The following DSCAML1 variants were observed in gnomAD, a reference collection of about 807,000 sequenced individuals.
The protein encoded by DSCAML1 is cell adhesion molecule DSCAML1.
In DSCAML1, 38 loss-of-function variants were observed where a neutral mutation model predicts 200.5. The ratio of observed to expected loss-of-function variants is 0.19; its 90% CI spans 0.15 to 0.25. The LOEUF (loss-of-function observed/expected upper bound fraction) is 0.25, where lower values mean the gene tolerates loss of function less well. Among genes scored for constraint, DSCAML1 ranks in the 10% least tolerant of loss-of-function variants. DSCAML1 has a pLI of 1.00. For missense variants in DSCAML1, 2,223 were observed against 2,858.8 expected (o/e 0.78, Z 5.07); for synonymous variants, 1,215 against 1,165.0 (o/e 1.04, Z -0.87).
At chr11:117,643,770 C>T (rs769221471) in intron 3 of DSCAML1, among the ~76,000 whole-genome samples, 12 of 152,254 alleles carry the variant, frequency 7.9e-5, no homozygotes, top group East Asian at 5.8e-4. Context: ...GCACTTATAC[C>T]GCCGTCATCA....
At chr11:117,464,139 G>T (rs1252278529) in intron 17 of DSCAML1, among the ~76,000 whole-genome samples, 2 of 152,256 alleles carry the variant, frequency 1.3e-5, no homozygotes, top group South Asian at 2.1e-4. Flanking sequence ...TTGGGGCGGG[G>T]TGGGTAGGCT....
chr11:117,726,045 C>G (rs945101839), intron 3 of DSCAML1, among the ~76,000 whole-genome samples: 1 of 152,152 alleles, frequency 6.6e-6, no homozygotes, highest in African/African-American at 2.4e-5. Flanking sequence ...GGCTGGCCAT[C>G]CTCCCTGATG....
chr11:117,496,813 C>T (rs1404463228), intron 11 of DSCAML1, among the ~76,000 whole-genome samples: 1 of 152,168 alleles, frequency 6.6e-6, no homozygotes, highest in Non-Finnish European at 1.5e-5. Context: ...CCTCCTATCC[C>T]TTTAATAAAA....
chr11:117,632,070 T>A (rs2052185443), intron 3 of DSCAML1, among the ~76,000 whole-genome samples: 1 of 152,210 alleles, frequency 6.6e-6, no homozygotes, highest in East Asian at 1.9e-4. Context: ...GGTTAGGAAC[T>A]CTGCCCGATG....
intron 19 of DSCAML1, among the ~76,000 whole-genome samples, chr11:117,456,061 C>T (rs536601118): frequency 6.6e-6 from 1 of 152,162 alleles, no homozygotes; most frequent in Non-Finnish European, 1.5e-5. Context: ...AGGCATGTGG[C>T]CCCACTCTGA....
intron 27 of DSCAML1, 86 bp downstream of exon 27, chr11:117,435,558 A>C: frequency 1.4e-6 from 2 of 1,458,242 alleles, no homozygotes; most frequent in East Asian, 2.3e-5. Flanking sequence ...TATCATCCAG[A>C]TGGTGCTGTG....
intron 3 of DSCAML1, among the ~76,000 whole-genome samples, chr11:117,764,843 C>T (rs762887238): frequency 2.0e-5 from 3 of 152,216 alleles, no homozygotes; most frequent in Non-Finnish European, 4.4e-5. Context: ...CAGCCACACG[C>T]TCTTAGAAGG....
In DSCAML1 at chr11:117,570,395, C is replaced by T. The variant is rs1290150444; in HGVS notation, c.512-37873G>A. ...ATTAACACATCAGTCCCCCTCTGTC[C>T]CTTTACTGGTTTGCTTTCTTCACAG... is the stretch of plus-strand genomic sequence containing the variant. On this transcript the variant is annotated intron_variant, in intron 3 of 32. Transcript: ENST00000651296. Among the ~76,000 whole-genome samples, 9 of 152,278 alleles carry T rather than the reference C, an allele frequency of 5.9e-5. No homozygotes were observed. The South Asian group carries it at 8.3e-4, about 14-fold the overall frequency.
chr11:117,470,105 A>C (rs1425507234), intron 15 of DSCAML1, 125 bp from the exon 16 acceptor site: 1 of 757,178 alleles, frequency 1.3e-6, no homozygotes, highest in African/African-American at 1.8e-5. Flanking sequence ...GCTCAGATGC[A>C]GATAGCAGAG....
intron 3 of DSCAML1, among the ~76,000 whole-genome samples, chr11:117,679,542 C>T (rs1432967040): frequency 6.6e-6 from 1 of 152,240 alleles, no homozygotes; most frequent in Non-Finnish European, 1.5e-5. Flanking sequence ...GGTACCCCAG[C>T]ATAGCCTGCT....
At chr11:117,784,763 C>T (rs989061202) in intron 1 of DSCAML1, among the ~76,000 whole-genome samples, 2 of 152,188 alleles carry the variant, frequency 1.3e-5, no homozygotes, top group Non-Finnish European at 2.9e-5. Context: ...GCCGCTTAGC[C>T]CTCCTGAGCC....
chr11:117,573,187 C>T (rs1414471890), intron 3 of DSCAML1, among the ~76,000 whole-genome samples: 2 of 152,208 alleles, frequency 1.3e-5, no homozygotes, highest in Non-Finnish European at 2.9e-5. Flanking sequence ...ACTCCAACCC[C>T]GATCTGCTAC....
At chr11:117,690,779 T>C (rs1453973669) in intron 3 of DSCAML1, among the ~76,000 whole-genome samples, 3 of 152,180 alleles carry the variant, frequency 2.0e-5, no homozygotes, top group African/African-American at 4.8e-5. Context: ...AACCTTTCAG[T>C]AGTTCTCACT....
intron 3 of DSCAML1, among the ~76,000 whole-genome samples, chr11:117,746,139 G>A (rs891983785): frequency 8.4e-5 from 12 of 142,854 alleles, no homozygotes; most frequent in South Asian, 2.2e-4. Flanking sequence ...GGAGAATGGC[G>A]TGAACCCGGG....
intron 5 of DSCAML1, among the ~76,000 whole-genome samples, chr11:117,521,915 A>G (rs1235724220): frequency 6.6e-6 from 1 of 152,144 alleles, no homozygotes; most frequent in East Asian, 1.9e-4. Flanking sequence ...ACCTGGATCC[A>G]CGTGGCAGCA....
At chr11:117,793,884 C>A (rs1243477592) in intron 1 of DSCAML1, among the ~76,000 whole-genome samples, 1 of 152,204 alleles carries the variant, frequency 6.6e-6, no homozygotes, top group East Asian at 1.9e-4. Flanking sequence ...GCTTGTCGGG[C>A]ATCATGGCCC....
rs767407977 is a variant in DSCAML1, at chr11:117,780,763, A to G, written c.94T>C (p.Leu32=). The change falls in exon 2 of 33, where the codon TTG becomes CTG. Residue 32 remains leucine (L), a synonymous_variant. Coordinates refer to ENST00000651296, the MANE Select transcript of DSCAML1 (RefSeq NM_020693.4). This position sits in a 1 kb window ranked among gnomAD's most constrained non-coding sequence, Gnocchi z 4.8. ...GTSLYFVNDS[L]QQVTFSSSVG... The stretch of plus-strand genomic sequence containing the variant: ...GAGCTGGAAAAGGTCACCTGCTGCA[A>G]GGAGTCATTTACAAAGTAGAGGCTG... 11 of 1,523,880 alleles carry G rather than the reference A, an allele frequency of 7.2e-6. No individual in the cohort carries two copies. The highest frequency in any genetic ancestry group is 9.7e-6 in the Non-Finnish European group (11 of 1,138,162). The allele number at this position is 1,523,880 out of a possible 1,614,324, so 94.4% of individuals were successfully genotyped here. A position where few individuals can be genotyped will look rare whatever the true frequency, so the allele number is the denominator to read the frequency against.
intron 1 of DSCAML1, among the ~76,000 whole-genome samples, chr11:117,809,631 G>T (rs2055739734): frequency 6.6e-6 from 1 of 152,014 alleles, no homozygotes; most frequent in Admixed American, 6.5e-5. Flanking sequence ...CTCACTCCCT[G>T]CCCCAGCCTG....
chr11:117,432,526 C>T (rs60580523), intron 29 of DSCAML1, 22 bp from the exon 30 acceptor site: 292,112 of 1,607,604 alleles, frequency 0.18, 28,460 homozygotes, highest in South Asian at 0.32. Context: ...AGGACAATTA[C>T]TGGGAGTCCT....
Sources: gnomAD v4.1 joint callset for allele counts (sites outside exome capture counted in the v4.1 genomes callset) on GRCh38, gnomAD v4.1.1 for gene constraint, Gnocchi (gnomAD v3.1) non-coding constraint, MANE v1.5 for transcripts, NCBI Gene and HGNC (gene_info 2026-07-23, HGNC 2026-07-21) for gene names.